NFASC: variants seen among roughly 807,000 people sequenced by gnomAD.
NFASC encodes neurofascin.
Under a neutral mutation model 147.5 loss-of-function variants are expected in NFASC, and 43 were observed. The ratio of observed to expected loss-of-function variants is 0.29; its 90% confidence interval spans 0.23 to 0.38. NFASC has a LOEUF of 0.38. Ranked by LOEUF, NFASC falls within the 10% of genes least tolerant of loss-of-function variation. NFASC has a pLI of 1.00. For synonymous variants in NFASC, 622 were observed against 665.5 expected, an observed-to-expected ratio of 0.93 and a Z score of 1.01; for missense variants, 1,320 against 1,689.0, an observed-to-expected ratio of 0.78 and a Z score of 3.83.
chr1:204,962,838 T>A (rs1447276297), intron 8 of NFASC, among the ~76,000 whole-genome samples: 1 of 152,212 alleles, frequency 6.6e-6, no homozygotes, highest in African/African-American at 2.4e-5. Context: ...TTGCGAGACA[T>A]GGAACAATTA....
chr1:204,947,591 C>A (rs1558205109), intron 3 of NFASC, among the ~76,000 whole-genome samples: 2 of 151,924 alleles, frequency 1.3e-5, no homozygotes, highest in Non-Finnish European at 2.9e-5. Flanking sequence ...CCAGTGAAGT[C>A]ACACGCACCC....
At chr1:204,985,691 AC>A (rs1020476224) in intron 21 of NFASC, among the ~76,000 whole-genome samples, 4 of 152,198 alleles carry the variant, frequency 2.6e-5, no homozygotes, top group Admixed American at 2.6e-4. Flanking sequence ...AATAATTGGA[AC>A]CAAAACCCTT....
At chr1:204,900,294 A>G (rs7419146) in intron 1 of NFASC, among the ~76,000 whole-genome samples, 2 of 152,250 alleles carry the variant, frequency 1.3e-5, no homozygotes, top group Non-Finnish European at 2.9e-5. Flanking sequence ...TCAGGTTCAA[A>G]GAATTCACAG....
At chr1:205,012,979 G>GC in intron 29 of NFASC, 113 bp downstream of exon 29, 1 of 757,072 alleles carries the variant, frequency 1.3e-6, no homozygotes, top group South Asian at 1.6e-5. Flanking sequence ...AGCTGTCCTT[G>GC]CCCATTGGGC....
At chr1:205,014,708 C>T (rs971214882) in intron 29 of NFASC, among the ~76,000 whole-genome samples, 2 of 152,168 alleles carry the variant, frequency 1.3e-5, no homozygotes, top group Non-Finnish European at 1.5e-5. Flanking sequence ...AGATCTCTTC[C>T]CCCGCCCCTT....
chr1:204,920,441 T>TC (rs1386754418), intron 1 of NFASC, among the ~76,000 whole-genome samples, 191 bp from the exon 2 acceptor site: 2 of 145,124 alleles, frequency 1.4e-5, no homozygotes, highest in African/African-American at 5.0e-5. Context: ...TTTTTTTTTT[T>TC]TTTTTTCTTC....
In NFASC at chr1:204,962,263, C is replaced by T. The variant is rs76799235; in HGVS notation, c.706+4437C>T. Reference sequence around the variant, plus strand: ...TAACTCCTGCTGGGTGGCAGCTGGCCCAGCCAGGGTGCCAAGGTGACACCT... The same window carrying T: ...TAACTCCTGCTGGGTGGCAGCTGGCTCAGCCAGGGTGCCAAGGTGACACCT... On this transcript the variant is annotated intron_variant, in intron 8 of 29. Coordinates refer to ENST00000339876, the MANE Select transcript of NFASC (RefSeq NM_001005388.3). The T allele has an allele frequency of 4.6e-3, 4,658 of 1,011,540 alleles. 145 individuals are homozygous for T. In the African/African-American group the frequency reaches 0.066, roughly 14 times the overall value. The allele number at this position is 1,011,540 out of a possible 1,614,324, so 62.7% of individuals were successfully genotyped here.
chr1:204,911,903 T>C (rs1288740517), intron 1 of NFASC, among the ~76,000 whole-genome samples: 2 of 152,238 alleles, frequency 1.3e-5, no homozygotes, highest in African/African-American at 4.8e-5. Context: ...TTAAAAGTTA[T>C]GTGTGTAGAG....
At chr1:204,950,523 TC>T (rs2094031447) in intron 3 of NFASC, 33 bp from the exon 4 acceptor site, 2 of 1,605,628 alleles carry the variant, frequency 1.2e-6, no homozygotes, top group South Asian at 1.1e-5. Context: ...TCTTCTTTTC[TC>T]CCTCTCCAAT....
intron 1 of NFASC, among the ~76,000 whole-genome samples, chr1:204,860,448 G>A (rs1262065490): frequency 6.6e-6 from 1 of 152,182 alleles, no homozygotes; most frequent in African/African-American, 2.4e-5. Context: ...ACCTGTGAGG[G>A]TCTCAACACT....
intron 1 of NFASC, among the ~76,000 whole-genome samples, chr1:204,867,124 C>T (rs2077172094): frequency 6.6e-6 from 1 of 152,068 alleles, no homozygotes. Flanking sequence ...AGGGGGGACC[C>T]CTAGATGTCA....
chr1:204,867,110 G>A (rs1256177142), intron 1 of NFASC, among the ~76,000 whole-genome samples: 2 of 152,190 alleles, frequency 1.3e-5, no homozygotes, highest in East Asian at 1.9e-4. Context: ...ACTGAATGCT[G>A]ACAAGGGGGG....
intron 11 of NFASC, among the ~76,000 whole-genome samples, chr1:204,972,786 C>T (rs999697345): frequency 1.3e-5 from 2 of 152,158 alleles, no homozygotes; most frequent in African/African-American, 4.8e-5. Flanking sequence ...AATATATGCA[C>T]ATTCGATTAA....
At chr1:204,864,747 T>G (rs1406299575) in intron 1 of NFASC, among the ~76,000 whole-genome samples, 1 of 152,210 alleles carries the variant, frequency 6.6e-6, no homozygotes, top group Non-Finnish European at 1.5e-5. Flanking sequence ...TTGTGGTTAT[T>G]GTTGTTGGGT....
At chr1:204,977,635 A>ACGC in intron 16 of NFASC, 46 bp from the exon 17 acceptor site, 1 of 1,590,178 alleles carries the variant, frequency 6.3e-7, no homozygotes. Context: ...AACACCTTTA[A>ACGC]TGCTGGATAA....
Position 204,989,249 on chromosome 1 carries a change from G to A in NFASC, c.2767+443G>A, listed in dbSNP as rs61261944. ...CTTCGAAGGCACATGGGTTCAAGGA[G>A]GTAGGGGAAACCGTCAGGATGACGC... On this transcript the variant is annotated intron_variant, in intron 23 of 29. Coordinates refer to ENST00000339876, the MANE Select transcript of NFASC (RefSeq NM_001005388.3). The A allele has an allele frequency of 8.7e-3, 1,629 of 188,128 alleles. 17 individuals are homozygous for A. The highest frequency in any genetic ancestry group is 0.015 in the African/African-American group (639 of 42,510). 11.7% of individuals were successfully genotyped at this position (188,128 alleles called of 1,614,324 possible). A position where few individuals can be genotyped will look rare whatever the true frequency, so the allele number is the denominator to read the frequency against.
chr1:204,969,132 C>CA, intron 10 of NFASC, 150 bp downstream of exon 10: 1 of 713,448 alleles, frequency 1.4e-6, no homozygotes, highest in Non-Finnish European at 2.3e-6. Flanking sequence ...TGGATGGTGT[C>CA]ACTCGCTGGA....
At chr1:205,003,827 C>T (rs1023776791) in intron 27 of NFASC, among the ~76,000 whole-genome samples, 1 of 152,212 alleles carries the variant, frequency 6.6e-6, no homozygotes, top group Admixed American at 6.5e-5. Context: ...TCTGTGTAAA[C>T]GTCTCACCCC....
At chr1:204,839,467 G>T (rs1022384070) in intron 1 of NFASC, among the ~76,000 whole-genome samples, 1 of 152,050 alleles carries the variant, frequency 6.6e-6, no homozygotes, top group African/African-American at 2.4e-5. Context: ...CAGAGCTGCG[G>T]GTGGGATGCA....
Sources: gnomAD v4.1 joint callset for allele counts (sites outside exome capture counted in the v4.1 genomes callset) on GRCh38, gnomAD v4.1.1 for gene constraint, MANE v1.5 for transcripts, NCBI Gene and HGNC (gene_info 2026-07-23, HGNC 2026-07-21) for gene names.